The following RNF19A variants were observed in gnomAD, a reference collection of about 807,000 sequenced individuals.
The protein encoded by RNF19A is E3 ubiquitin-protein ligase RNF19A.
A neutral mutation model predicts 75.7 loss-of-function variants in RNF19A; 32 were observed. That is an observed-to-expected ratio of 0.42 (90% CI 0.32 to 0.57). The LOEUF (loss-of-function observed/expected upper bound fraction) is 0.57, where lower values mean the gene tolerates loss of function less well. RNF19A is among the 20% of genes least tolerant of loss of function. RNF19A has a pLI of 0.10. For synonymous variants in RNF19A, 335 were observed against 345.2 expected (o/e 0.97, Z 0.33); for missense variants, 782 against 1,036.3 (o/e 0.75, Z 3.37).
At chr8:100,294,914 A>T (rs1163968000) in intron 1 of RNF19A, among the ~76,000 whole-genome samples, 1 of 152,198 alleles carries the variant, frequency 6.6e-6, no homozygotes, top group African/African-American at 2.4e-5. Flanking sequence ...CGAATGACTA[A>T]ATGTGTTAAA....
At chr8:100,320,747 G>A (rs1360779969) in intron 1 of RNF19A, among the ~76,000 whole-genome samples, 3 of 144,230 alleles carry the variant, frequency 2.1e-5, no homozygotes, top group Non-Finnish European at 4.7e-5. Flanking sequence ...TTAGCACAGT[G>A]TCTGGCACTT....
chr8:100,269,733 G>T lies in RNF19A; in HGVS notation c.1028+136C>A. ...TCCAAATGACTAGCATAATAACTTG[G>T]TTTCTTTTAAATTTATTTAACTAGA... is the stretch of plus-strand genomic sequence containing the variant. On this transcript the variant is annotated intron_variant, in intron 4 of 9. Coordinates refer to ENST00000341084, the MANE Select transcript of RNF19A (RefSeq NM_183419.4). This position sits in a 1 kb window ranked among gnomAD's most constrained non-coding sequence, Gnocchi z 5.7. The T allele has an allele frequency of 1.8e-6, 1 of 565,502 alleles. No homozygotes were observed. Among genetic ancestry groups the T allele is most frequent in the Non-Finnish European group, 2.9e-6 (1 of 347,550 alleles). The allele number at this position is 565,502 out of a possible 1,614,324, so 35.0% of individuals were successfully genotyped here.
upstream of RNF19A, among the ~76,000 whole-genome samples, chr8:100,314,170 C>T (rs1419408569): frequency 1.3e-4 from 19 of 151,964 alleles, no homozygotes; most frequent in Admixed American, 1.0e-3. This position sits in a 1 kb window ranked among gnomAD's most constrained non-coding sequence, Gnocchi z 4.1. Flanking sequence ...GCATGAGCCA[C>T]GTGCCCAGCC....
chr8:100,285,550 GT>G (rs78701116), intron 2 of RNF19A, among the ~76,000 whole-genome samples: 6,793 of 152,178 alleles, frequency 0.045, 454 homozygotes, highest in African/African-American at 0.14. Context: ...TGACCAGAAG[GT>G]TTGTGTCCCT....
chr8:100,263,371 G>T (rs1819817046), intron 7 of RNF19A, among the ~76,000 whole-genome samples: 1 of 152,170 alleles, frequency 6.6e-6, no homozygotes, highest in African/African-American at 2.4e-5. Context: ...ACTGTATTAG[G>T]TTACGTGGAG....
chr8:100,286,131 C>G (rs1010230640), intron 2 of RNF19A, among the ~76,000 whole-genome samples: 6 of 152,138 alleles, frequency 3.9e-5, no homozygotes, highest in African/African-American at 1.4e-4. Flanking sequence ...GATTCAATCG[C>G]ATCTAAGCTG....
Position 100,286,966 on chromosome 8 carries a change from T to C in RNF19A, c.674+535A>G, listed in dbSNP as rs979898774. Among the ~76,000 whole-genome samples, 8 of 152,254 alleles carry C rather than the reference T, an allele frequency of 5.3e-5. 1 individual carries two copies. The highest frequency in any genetic ancestry group is 8.8e-5 in the Non-Finnish European group (6 of 68,012). ...GTGTAATTCAAAAACTTGAGGCAAA[T>C]CCAATATTACATAACCCCTAGAACT... On this transcript the variant is annotated intron_variant, in intron 2 of 9. Coordinates refer to ENST00000341084, the MANE Select transcript of RNF19A (RefSeq NM_183419.4).
In RNF19A at chr8:100,287,914, C is replaced by A. The variant is rs771601092; in HGVS notation, c.261G>T (p.Gly87=). ...NKRKSRELNG[G]VDGIASIESI... is the part of the protein sequence containing the mutation. The stretch of plus-strand genomic sequence containing the variant: ...TTTCAATACTTGCAATTCCATCCAC[C>A]CCGCCATTTAGCTCCCTTGATTTAC... Residue 87 remains glycine (G), a synonymous_variant, in exon 2 of 10, where the codon GGG becomes GGT. Transcript: ENST00000341084. The surrounding 1 kb of genome is among the most constrained non-coding windows in gnomAD (Gnocchi z 4.1). 3 of 1,614,156 alleles carry A rather than the reference C, an allele frequency of 1.9e-6. No homozygotes were observed. Among genetic ancestry groups the A allele is most frequent in the Non-Finnish European group, 2.5e-6 (3 of 1,180,030 alleles).
intron 1 of RNF19A, among the ~76,000 whole-genome samples, chr8:100,298,691 T>C (rs1028350565): frequency 1.3e-5 from 2 of 152,170 alleles, no homozygotes; most frequent in African/African-American, 2.4e-5. Context: ...AAGTCCATAT[T>C]TGATTGGGAG....
intron 1 of RNF19A, among the ~76,000 whole-genome samples, chr8:100,305,431 G>C (rs1373867314): frequency 6.6e-6 from 1 of 152,194 alleles, no homozygotes; most frequent in African/African-American, 2.4e-5. Flanking sequence ...AACGCCCCTA[G>C]AGCTACGCTG....
chr8:100,279,312 G>C (rs559775927), intron 2 of RNF19A, among the ~76,000 whole-genome samples: 42 of 152,150 alleles, frequency 2.8e-4, no homozygotes, highest in African/African-American at 9.9e-4. Flanking sequence ...GTAGTGTAGG[G>C]GAAATTACTA....
intron 1 of RNF19A, among the ~76,000 whole-genome samples, chr8:100,327,876 A>G (rs1822556045): frequency 6.6e-6 from 1 of 152,232 alleles, no homozygotes; most frequent in African/African-American, 2.4e-5. Flanking sequence ...GTGATCAAGA[A>G]GCACAAATAT....
chr8:100,271,859 A>G lies in RNF19A; in HGVS notation c.884-1846T>C, dbSNP rs528774594. ...CCTCATGATGCAAAAATCCTAAATG[A>G]AATTGTTTATGGTTAGTTGATCCCC... On this transcript the variant is annotated intron_variant, in intron 3 of 9. Transcript: ENST00000341084. Among the ~76,000 whole-genome samples the G allele has an allele frequency of 2.6e-5, 4 of 152,304 alleles. No individual in the cohort carries two copies. In the South Asian group the frequency reaches 8.3e-4, roughly 32 times the overall value.
At chr8:100,262,720 A>T (rs1455020830) in intron 7 of RNF19A, among the ~76,000 whole-genome samples, 3 of 152,210 alleles carry the variant, frequency 2.0e-5, no homozygotes, top group Non-Finnish European at 4.4e-5. Context: ...ACTAGTGAAT[A>T]GAAGCTGAGA....
chr8:100,335,637 C>A (rs1458953070), intron 1 of RNF19A, among the ~76,000 whole-genome samples: 3 of 152,240 alleles, frequency 2.0e-5, no homozygotes, highest in Non-Finnish European at 2.9e-5. Flanking sequence ...TTAACCTTTT[C>A]TTAAAGACTT....
chr8:100,273,784 CATCATT>C, intron 3 of RNF19A, among the ~76,000 whole-genome samples: 1 of 151,918 alleles, frequency 6.6e-6, no homozygotes, highest in Middle Eastern at 3.4e-3. Context: ...TTATTATTAT[CATCATT>C]ATTATTTTTT....
Position 100,323,387 on chromosome 8 carries a change from T to G in RNF19A, c.-242-10015A>C, listed in dbSNP as rs574829882. On this transcript the variant is annotated intron_variant, in intron 1 of 3. Transcript: ENST00000519527. The surrounding 1 kb of genome is among the most constrained non-coding windows in gnomAD (Gnocchi z 4.6). ...TGGCAGAATCTCAGCACTGAAACAG[T>G]AAGAAGAAAACAGTAGAGAAAGGCA... 6.6e-6 allele frequency among the ~76,000 whole-genome samples: 1 copy of G among 152,326 alleles called. No individual in the cohort carries two copies. Among genetic ancestry groups the G allele is most frequent in the Admixed American group, 6.5e-5 (1 of 15,296 alleles).
rs371795753 is a variant in RNF19A, at chr8:100,272,725, G to A, written c.883+2228C>T. ...CGCCTGGCTAATTTTTGTATTTTTAGTAGAGACGGGATTTCACCATGTTGC... is the reference window on the plus strand; with the variant it reads ...CGCCTGGCTAATTTTTGTATTTTTAATAGAGACGGGATTTCACCATGTTGC... On this transcript the variant is annotated intron_variant, in intron 3 of 9. Transcript: ENST00000341084. Among the ~76,000 whole-genome samples, 30 of 151,614 alleles carry A rather than the reference G, an allele frequency of 2.0e-4. No individual in the cohort carries two copies. The South Asian group carries it at 6.3e-3, about 32-fold the overall frequency.
Position 100,258,444 on chromosome 8 carries a change from T to C in RNF19A, c.*112A>G, listed in dbSNP as rs1174193590. On this transcript the variant is annotated 3_prime_UTR_variant, in exon 10 of 10. Transcript: ENST00000341084. The surrounding 1 kb of genome is among the most constrained non-coding windows in gnomAD (Gnocchi z 4.3). ...GAACACAGAAAATGTATCTGCATTA[T>C]GATAATGAAACCCGGCTTTTGCTGG... The C allele has an allele frequency of 3.0e-5, 25 of 820,570 alleles. No individual in the cohort carries two copies. The highest frequency in any genetic ancestry group is 4.5e-5 in the Non-Finnish European group (23 of 513,556). 50.8% of individuals were successfully genotyped at this position (820,570 alleles called of 1,614,324 possible). A position where few individuals can be genotyped will look rare whatever the true frequency, so the allele number is the denominator to read the frequency against.
Sources: allele counts gnomAD v4.1 joint callset (sites outside exome capture counted in the v4.1 genomes callset), GRCh38; gene constraint gnomAD v4.1.1; non-coding constraint Gnocchi (gnomAD v3.1); transcripts MANE v1.5; gene names NCBI Gene and HGNC (gene_info 2026-07-23, HGNC 2026-07-21).